The following HSDL1 variants were observed in gnomAD, a reference collection of about 807,000 sequenced individuals.
HSDL1 encodes the protein hydroxysteroid dehydrogenase like 1, also known as inactive hydroxysteroid dehydrogenase-like protein 1.
Under a neutral mutation model 31.5 loss-of-function variants are expected in HSDL1, and 29 were observed. The observed-to-expected ratio is 0.92, with a 90% CI of 0.69 to 1.26. The LOEUF (loss-of-function observed/expected upper bound fraction) is 1.26. HSDL1 is among the 50% of genes most tolerant of loss of function. HSDL1 has a pLI of 0.00. For missense variants in HSDL1, 503 were observed against 416.6 expected (o/e 1.21, Z -1.81); for synonymous variants, 222 against 155.2 (o/e 1.43, Z -3.20).
Position 84,135,950 on chromosome 16 carries a change from C to T in HSDL1, c.-68-345G>A, listed in dbSNP as rs1256685526. ...AGCCCTTGGGGAAACACCGCCCAGG[C>T]ACCAGGCCGGCATCGGGGAAGAGAG... On this transcript the variant is annotated intron_variant, in intron 1 of 5. Transcript: ENST00000219439. Among the ~76,000 whole-genome samples the T allele has an allele frequency of 3.3e-5, 5 of 152,256 alleles. No homozygotes were observed. In the East Asian group the frequency reaches 9.6e-4, roughly 29 times the overall value.
intron 5 of HSDL1, among the ~76,000 whole-genome samples, chr16:84,127,426 G>A (rs1317748825): frequency 1.3e-5 from 2 of 151,366 alleles, no homozygotes; most frequent in African/African-American, 2.4e-5. Context: ...ATGTTGGCAA[G>A]GCTGGTCTCG....
Position 84,124,704 on chromosome 16 carries a change from C to G in HSDL1, c.919G>C (p.Glu307Gln). Residue 307 changes from glutamate to glutamine, a missense_variant, in exon 6 of 6, where the codon GAA (glutamate) becomes CAA (glutamine). Coordinates refer to ENST00000219439, the MANE Select transcript of HSDL1 (RefSeq NM_031463.5). Reference protein sequence around the residue: ...IQFLFAQYMPEWLWVWGANIL... With the variant: ...IQFLFAQYMPQWLWVWGANIL... ...TTTGCTCCCCACACCCAGAGCCATT[C>G]AGGCATATACTGTGCAAAAAGAAAC... The G allele has an allele frequency of 1.2e-6, 2 of 1,613,540 alleles. No individual in the cohort carries two copies. The highest frequency in any genetic ancestry group is 1.7e-6 in the Non-Finnish European group (2 of 1,179,496).
rs533390347 is a variant in HSDL1 at position 84,123,639 on chromosome 16, ATACT to A, written c.*987_*990del. 1.3e-3 allele frequency: 198 copies of A among 152,774 alleles called. 1 individual carries two copies. The highest frequency in any genetic ancestry group is 4.4e-3 in the African/African-American group (184 of 41,580). 9.5% of individuals were successfully genotyped at this position (152,774 alleles called of 1,614,324 possible). On this transcript the variant is annotated 3_prime_UTR_variant, in exon 6 of 6. Transcript: ENST00000219439. ...TTGTCCATATTTTACTATTCCATAA[ATACT>A]TACTATTTCTATCAATAATGCTACT... is the stretch of plus-strand genomic sequence containing the variant.
chr16:84,128,247 C>G (rs1030185844), intron 5 of HSDL1, among the ~76,000 whole-genome samples: 2 of 151,504 alleles, frequency 1.3e-5, no homozygotes, highest in African/African-American at 2.4e-5. Flanking sequence ...CAAGATCGCA[C>G]CATTACACTC....
At chr16:84,136,256 G>A (rs117918372) in intron 1 of HSDL1, among the ~76,000 whole-genome samples, 3,878 of 152,336 alleles carry the variant, frequency 0.025, 74 homozygotes, top group Middle Eastern at 0.075. Context: ...CCCCTAGGCT[G>A]TGAGTGGGTC....
At chr16:84,138,988 T>C (rs1267272465) in intron 1 of HSDL1, among the ~76,000 whole-genome samples, 1 of 151,794 alleles carries the variant, frequency 6.6e-6, no homozygotes, top group Non-Finnish European at 1.5e-5. Context: ...GTACCAAGAG[T>C]TCTGGGAGGA....
intron 1 of HSDL1, among the ~76,000 whole-genome samples, chr16:84,140,817 T>C (rs914103568): frequency 6.6e-6 from 1 of 152,034 alleles, no homozygotes; most frequent in Admixed American, 6.5e-5. Context: ...AGTAACAGTA[T>C]TGCTGGCCGG....
intron 2 of HSDL1, among the ~76,000 whole-genome samples, chr16:84,133,692 G>A (rs1196956092): frequency 1.3e-5 from 2 of 152,156 alleles, no homozygotes; most frequent in African/African-American, 2.4e-5. Flanking sequence ...TCATGCCACT[G>A]CGCTCCAGCC....
chr16:84,129,930 T>G, intron 4 of HSDL1, 56 bp downstream of exon 4: 1 of 1,543,072 alleles, frequency 6.5e-7, no homozygotes, highest in Non-Finnish European at 8.8e-7. Flanking sequence ...ACCAAACAAC[T>G]GTTAATAAAT....
In HSDL1 at chr16:84,130,050, A is replaced by G; in HGVS notation, c.602T>C (p.Val201Ala). 3 of 1,614,188 alleles carry G rather than the reference A, an allele frequency of 1.9e-6. No individual in the cohort carries two copies. The highest frequency in any genetic ancestry group is 2.5e-6 in the Non-Finnish European group (3 of 1,180,034). ...GMVERKKGAIVTISSGSCCKP... is the reference protein window; with the variant it reads ...GMVERKKGAIATISSGSCCKP... ...GCAGCAGGAGCCAGAAGAGATCGTG[A>G]CGATGGCACCTTTCTTTCTCTCCAC... is the stretch of plus-strand genomic sequence containing the variant. The change falls in exon 4 of 6, where the codon GTC becomes GCC. Residue 201 changes from valine (V) to alanine (A), a missense_variant. Coordinates refer to ENST00000219439, the MANE Select transcript of HSDL1 (RefSeq NM_031463.5).
Position 84,130,233 on chromosome 16 carries a change from A to G in HSDL1, c.419T>C (p.Leu140Pro). 1 of 1,614,214 alleles carries G rather than the reference A, an allele frequency of 6.2e-7. No individual in the cohort carries two copies. The highest frequency in any genetic ancestry group is 8.5e-7 in the Non-Finnish European group (1 of 1,180,040). ...CAAGATGCCAACGTCTTTGTCCTTC[A>G]GGGCTTCTCGAATTGGAAGGTAGAT... ...REIYLPIREA[L>P]KDKDVGILVN... Residue 140 changes from leucine (L) to proline (P), a missense_variant, in exon 4 of 6, where the codon CTG (leucine) becomes CCG (proline). By Grantham distance (98) the Leu-to-Pro change is moderately conservative. Transcript: ENST00000219439.
chr16:84,132,638 G>A (rs907579418), intron 2 of HSDL1, among the ~76,000 whole-genome samples: 1 of 152,134 alleles, frequency 6.6e-6, no homozygotes, highest in Non-Finnish European at 1.5e-5. Context: ...AGGTGAAGAC[G>A]CAGACATTTA....
intron 2 of HSDL1, among the ~76,000 whole-genome samples, chr16:84,133,493 C>T (rs913275767): frequency 3.3e-5 from 5 of 152,220 alleles, no homozygotes; most frequent in African/African-American, 1.2e-4. Flanking sequence ...ATAATCCCAG[C>T]ACTTTGGGAG....
chr16:84,134,016 C>G (rs2086690589), intron 2 of HSDL1, among the ~76,000 whole-genome samples: 1 of 152,154 alleles, frequency 6.6e-6, no homozygotes, highest in South Asian at 2.1e-4. Context: ...CAAAGTCTTT[C>G]TTTTTTCTGA....
In HSDL1 at chr16:84,122,861, T is replaced by C. The variant is rs1197991400; in HGVS notation, c.*1769A>G. ...GTCCTGCCAAGGAGAGAAGTTTACA[T>C]CATCACTGACAAGGTGTGTTCACCT... On this transcript the variant is annotated 3_prime_UTR_variant, in exon 6 of 6. Coordinates refer to ENST00000219439, the MANE Select transcript of HSDL1 (RefSeq NM_031463.5). The C allele has an allele frequency of 6.6e-6, 1 of 152,252 alleles. No individual in the cohort carries two copies. The highest frequency in any genetic ancestry group is 1.5e-5 in the Non-Finnish European group (1 of 68,056). 9.4% of individuals were successfully genotyped at this position (152,252 alleles called of 1,614,324 possible).
intron 2 of HSDL1, among the ~76,000 whole-genome samples, 156 bp from the exon 3 acceptor site, chr16:84,131,483 G>GTCTGTCTGTCTGTCTATCTATCTA (rs1232519658): frequency 7.6e-5 from 11 of 144,132 alleles, no homozygotes; most frequent in African/African-American, 2.9e-4. Flanking sequence ...CACAGTTTCA[G>GTCTGTCTGTCTGTCTATCTATCTA]TCTATCTATC....
rs1480746217 is a variant in HSDL1 at position 84,123,345 on chromosome 16, G to A, written c.*1285C>T. 1.3e-5 allele frequency: 2 copies of A among 152,142 alleles called. No homozygotes were observed. The highest frequency in any genetic ancestry group is 2.9e-5 in the Non-Finnish European group (2 of 68,038). The allele number at this position is 152,142 out of a possible 1,614,324, so 9.4% of individuals were successfully genotyped here. A position where few individuals can be genotyped will look rare whatever the true frequency, so the allele number is the denominator to read the frequency against. On this transcript the variant is annotated 3_prime_UTR_variant, in exon 6 of 6. Transcript: ENST00000219439. The stretch of plus-strand genomic sequence containing the variant: ...GCTTCTGCATCAGTATCACAATGCC[G>A]AGCTCTGAATTTTAAATGTGCACAT...
chr16:84,130,132 T>C lies in HSDL1; in HGVS notation c.520A>G (p.Ile174Val), dbSNP rs186046752. The change falls in exon 4 of 6, where the codon ATA (isoleucine) becomes GTA (valine). Residue 174 changes from isoleucine (I) to valine (V), a missense_variant. By Grantham distance (29) the Ile-to-Val change is conservative (BLOSUM62 3). Coordinates refer to ENST00000219439, the MANE Select transcript of HSDL1 (RefSeq NM_031463.5). The stretch of plus-strand genomic sequence containing the variant: ...CTAGCGGCGGCAATGTTCACATTTA[T>C]GATGTCCCAGAGCTTGTCCTCGGAC... ...QLSEDKLWDI[I>V]NVNIAAASLM... is the part of the protein sequence containing the mutation. 6.2e-7 allele frequency: 1 copy of C among 1,614,218 alleles called. No homozygotes were observed. Among genetic ancestry groups the C allele is most frequent in the East Asian group, 2.2e-5 (1 of 44,886 alleles).
chr16:84,136,577 G>A (rs1400693736), intron 1 of HSDL1, among the ~76,000 whole-genome samples: 3 of 152,172 alleles, frequency 2.0e-5, no homozygotes, highest in African/African-American at 7.2e-5. Context: ...AAGCTTGTGT[G>A]CTAAACCCAC....
Sources: allele counts gnomAD v4.1 joint callset (sites outside exome capture counted in the v4.1 genomes callset), GRCh38; gene constraint gnomAD v4.1.1; transcripts MANE v1.5; gene names NCBI Gene and HGNC (gene_info 2026-07-23, HGNC 2026-07-21).